The following CELF2 variants were observed in gnomAD, a reference collection of about 807,000 sequenced individuals.
CELF2 encodes the protein CUGBP Elav-like family member 2, also known as CUG triplet repeat RNA-binding protein 2.
A neutral mutation model predicts 62.6 loss-of-function variants in CELF2; 8 were observed. That is an observed-to-expected ratio of 0.13 (90% CI 0.07 to 0.23). The LOEUF is 0.23. CELF2 is among the 10% of genes least tolerant of loss of function. The pLI is 1.00. For synonymous variants in CELF2, 258 were observed against 250.0 expected (o/e 1.03, Z -0.30); for missense variants, 333 against 671.0 (o/e 0.50, Z 5.56).
At chr10:10,762,105 T>A in the CELF2 span, among the ~76,000 whole-genome samples, 1 of 152,058 alleles carries the variant, frequency 6.6e-6, no homozygotes, top group Non-Finnish European at 1.5e-5. Context: ...GTTCTAAAAT[T>A]GGGAGAGAGA....
At chr10:10,783,576 G>A in the CELF2 span, among the ~76,000 whole-genome samples, 1 of 152,198 alleles carries the variant, frequency 6.6e-6, no homozygotes, top group African/African-American at 2.4e-5. Flanking sequence ...CTTTGTGACA[G>A]TGACCCCAGG....
intron 2 of CELF2, among the ~76,000 whole-genome samples, chr10:10,940,779 G>A (rs527237788): frequency 2.0e-5 from 3 of 152,178 alleles, no homozygotes; most frequent in African/African-American, 7.2e-5. Context: ...TGTATGTGTG[G>A]CATGAAGGGT....
intron 1 of CELF2, among the ~76,000 whole-genome samples, chr10:10,847,722 T>C (rs2059109619): frequency 6.6e-6 from 1 of 152,204 alleles, no homozygotes; most frequent in African/African-American, 2.4e-5. Context: ...CAGCTCTCAT[T>C]GTTCTGCAGA....
At chr10:10,941,412 C>G (rs2047037300) in intron 2 of CELF2, among the ~76,000 whole-genome samples, 1 of 152,180 alleles carries the variant, frequency 6.6e-6, no homozygotes, top group South Asian at 2.1e-4. Flanking sequence ...ACTCCCAGCT[C>G]CTCTTGACAA....
At chr10:10,774,966 C>T in the CELF2 span, among the ~76,000 whole-genome samples, 1 of 151,916 alleles carries the variant, frequency 6.6e-6, no homozygotes, top group Non-Finnish European at 1.5e-5. Flanking sequence ...GCAACCTCCA[C>T]CTCCCAGGTT....
intron 1 of CELF2, among the ~76,000 whole-genome samples, chr10:10,919,358 T>A (rs369408123): frequency 7.5e-4 from 115 of 152,320 alleles, no homozygotes; most frequent in African/African-American, 2.4e-3. Flanking sequence ...TCATTTTTAT[T>A]AATATGCAAA....
chr10:10,956,677 C>T (rs2048934510), intron 2 of CELF2, among the ~76,000 whole-genome samples: 1 of 152,196 alleles, frequency 6.6e-6, no homozygotes, highest in Admixed American at 6.5e-5. Flanking sequence ...CTTGTAATCC[C>T]AGTGCTTTAG....
At chr10:11,027,706 T>G (rs1356742423) in intron 1 of CELF2, among the ~76,000 whole-genome samples, 1 of 151,990 alleles carries the variant, frequency 6.6e-6, no homozygotes. Flanking sequence ...AGCACCAGAG[T>G]GGAAGGGCAT....
chr10:11,162,698 T>C (rs377694000), intron 1 of CELF2, among the ~76,000 whole-genome samples: 6 of 152,156 alleles, frequency 3.9e-5, no homozygotes, highest in African/African-American at 1.4e-4. Context: ...AGGATAGGAA[T>C]TGTGGTTGAG....
At chr10:10,670,631 G>A in the CELF2 span, among the ~76,000 whole-genome samples, 1 of 151,978 alleles carries the variant, frequency 6.6e-6, no homozygotes, top group African/African-American at 2.4e-5. Flanking sequence ...TTACATAAGG[G>A]CTCACTCTTG....
the CELF2 span, among the ~76,000 whole-genome samples, chr10:10,541,789 G>A: frequency 6.6e-6 from 1 of 152,164 alleles, no homozygotes; most frequent in Non-Finnish European, 1.5e-5. Flanking sequence ...TTATCAGCAA[G>A]GTCTTGGTGA....
the CELF2 span, among the ~76,000 whole-genome samples, chr10:10,683,477 A>G: frequency 2.0e-5 from 3 of 152,202 alleles, no homozygotes; most frequent in African/African-American, 7.2e-5. Context: ...TACCAGCCCC[A>G]TAAACACGTA....
chr10:11,248,085 GAAA>G (rs1017418128), intron 3 of CELF2, among the ~76,000 whole-genome samples: 6 of 152,328 alleles, frequency 3.9e-5, no homozygotes, highest in Non-Finnish European at 7.3e-5. Context: ...CTGGGGAAAT[GAAA>G]GGTGCCGAGA....
At chr10:10,712,252 A>G in the CELF2 span, among the ~76,000 whole-genome samples, 17 of 150,582 alleles carry the variant, frequency 1.1e-4, no homozygotes, top group South Asian at 3.0e-3. Flanking sequence ...GATCACACCC[A>G]CGTCCATCCA....
At chr10:11,141,908 C>T (rs374708987) in intron 1 of CELF2, among the ~76,000 whole-genome samples, 7 of 152,326 alleles carry the variant, frequency 4.6e-5, no homozygotes, top group South Asian at 2.1e-4. Context: ...CACATTATTG[C>T]AGCTGACATA....
the CELF2 span, among the ~76,000 whole-genome samples, chr10:10,477,562 T>C: frequency 6.6e-6 from 1 of 152,136 alleles, no homozygotes; most frequent in East Asian, 1.9e-4. Context: ...ATCCTCACCC[T>C]GTCTTAGCTT....
rs2090898989 is a variant in CELF2 at position 11,285,411 on chromosome 10, G to A, written c.842-3007G>A. Among the ~76,000 whole-genome samples, 1 of 152,166 alleles carries A rather than the reference G, an allele frequency of 6.6e-6. No homozygotes were observed. The highest frequency in any genetic ancestry group is 2.4e-5 in the African/African-American group (1 of 41,418). ...CCCTGGACTTTCCAGGCGGCAGCAG[G>A]GAAAGGCTTAGGAGAATGTCAGAAA... is the stretch of plus-strand genomic sequence containing the variant. On this transcript the variant is annotated intron_variant, in intron 8 of 12. Coordinates refer to ENST00000633077, the MANE Select transcript of CELF2 (RefSeq NM_001326342.2). The surrounding 1 kb of genome is among the most constrained non-coding windows in gnomAD (Gnocchi z 4.3).
the CELF2 span, among the ~76,000 whole-genome samples, chr10:10,680,882 A>G: frequency 2.0e-5 from 3 of 152,240 alleles, no homozygotes; most frequent in Admixed American, 6.5e-5. Flanking sequence ...CATTAAAAAT[A>G]TAGTTTGGTT....
the CELF2 span, among the ~76,000 whole-genome samples, chr10:10,624,546 G>C: frequency 6.6e-6 from 1 of 152,102 alleles, no homozygotes; most frequent in Non-Finnish European, 1.5e-5. Context: ...ATGCATCATG[G>C]GTTGTAAAAA....
Sources: gnomAD v4.1 joint callset for allele counts (sites outside exome capture counted in the v4.1 genomes callset) on GRCh38, gnomAD v4.1.1 for gene constraint, Gnocchi (gnomAD v3.1) non-coding constraint, MANE v1.5 for transcripts, NCBI Gene and HGNC (gene_info 2026-07-23, HGNC 2026-07-21) for gene names.